CEP164: variants seen among roughly 807,000 people sequenced by gnomAD.
The protein encoded by CEP164 is centrosomal protein 164.
Under a neutral mutation model 182.7 loss-of-function variants are expected in CEP164, and 162 were observed. The observed-to-expected ratio is 0.89, with a 90% CI of 0.78 to 1.01. CEP164 has a LOEUF of 1.01. Ranked by LOEUF, CEP164 falls within the 50% of genes least tolerant of loss-of-function variation. The pLI is 0.00. For synonymous variants in CEP164, 661 were observed against 690.0 expected (o/e 0.96, Z 0.66); for missense variants, 1,735 against 1,790.4 (o/e 0.97, Z 0.56).
intron 2 of CEP164, chr11:117,336,586 G>A: frequency 6.7e-7 from 1 of 1,489,488 alleles, no homozygotes. Context: ...CCCAGTGTTG[G>A]GGGATATGGA....
chr11:117,329,945 T>C (rs1043169132), intron 1 of CEP164, among the ~76,000 whole-genome samples: 2 of 150,936 alleles, frequency 1.3e-5, no homozygotes, highest in Admixed American at 6.6e-5. Context: ...ATGATGTATA[T>C]AGAGCACTCA....
At chr11:117,361,397 C>T (rs967919183) in intron 5 of CEP164, among the ~76,000 whole-genome samples, 1 of 151,256 alleles carries the variant, frequency 6.6e-6, no homozygotes, top group Non-Finnish European at 1.5e-5. Flanking sequence ...CCCGCCACCA[C>T]GCCCGGCTAA....
intron 28 of CEP164, 152 bp from the exon 29 acceptor site, chr11:117,408,738 C>T: frequency 1.1e-6 from 1 of 921,392 alleles, no homozygotes; most frequent in Non-Finnish European, 1.6e-6. Context: ...TGGAGATGGC[C>T]ATATTTCATG....
At chr11:117,338,174 G>A (rs1306028532) in intron 2 of CEP164, among the ~76,000 whole-genome samples, 2 of 152,158 alleles carry the variant, frequency 1.3e-5, no homozygotes, top group African/African-American at 4.8e-5. Flanking sequence ...GTTGAGATGG[G>A]GGTGTGCCAC....
intron 20 of CEP164, 148 bp downstream of exon 20, chr11:117,393,274 A>T: frequency 7.3e-7 from 1 of 1,370,900 alleles, no homozygotes; most frequent in Non-Finnish European, 9.6e-7. Context: ...GGAAGGGGAT[A>T]AACTGTGGTC....
chr11:117,383,642 T>TA (rs1348903961), intron 14 of CEP164, among the ~76,000 whole-genome samples: 5 of 152,356 alleles, frequency 3.3e-5, no homozygotes, highest in African/African-American at 1.2e-4. Flanking sequence ...CTTCCATTCT[T>TA]ACCCTTCCCC....
At chr11:117,349,762 G>C (rs1288490050) in intron 4 of CEP164, among the ~76,000 whole-genome samples, 1 of 152,094 alleles carries the variant, frequency 6.6e-6, no homozygotes, top group Admixed American at 6.5e-5. Context: ...ATTTACCAAA[G>C]TGGCAGCACC....
At chr11:117,379,684 T>C (rs1440700228) in intron 11 of CEP164, among the ~76,000 whole-genome samples, 1 of 151,992 alleles carries the variant, frequency 6.6e-6, no homozygotes, top group African/African-American at 2.4e-5. Flanking sequence ...TCCCATTTTA[T>C]ACAGTGGAGG....
At chr11:117,338,793 G>C in intron 3 of CEP164, 125 bp downstream of exon 3, 1 of 752,088 alleles carries the variant, frequency 1.3e-6, no homozygotes. Context: ...TAGTATATTC[G>C]GGTTAGATCA....
chr11:117,400,304 G>A (rs553231158), intron 27 of CEP164, among the ~76,000 whole-genome samples: 152 of 152,234 alleles, frequency 1.0e-3, no homozygotes, highest in African/African-American at 3.4e-3. Flanking sequence ...GTAGATGTGT[G>A]GCGCTATTTC....
At position 117,394,972 on chromosome 11, in the gene CEP164, T is replaced by C. The variant is rs374045323; in HGVS notation, c.2813T>C (p.Val938Ala). ...GACCTTGAAACCAGAGCTAAAGATG[T>C]CAAGGCCAGATTGGCTCTGCTGGAG... ...ELDLETRAKD[V>A]KARLALLEVQ... Residue 938 changes from valine (V) to alanine (A), a missense_variant, in exon 22 of 33, where the codon GTC becomes GCC. By Grantham distance (64) the Val-to-Ala change is moderately conservative. Coordinates refer to ENST00000278935, the MANE Select transcript of CEP164 (RefSeq NM_014956.5). This position sits in a 1 kb window ranked among gnomAD's most constrained non-coding sequence, Gnocchi z 4.0. 1 of 1,614,154 alleles carries C rather than the reference T, an allele frequency of 6.2e-7. No homozygotes were observed. The highest frequency in any genetic ancestry group is 2.2e-5 in the East Asian group (1 of 44,872).
At chr11:117,396,002 C>A in intron 24 of CEP164, 52 bp from the exon 25 acceptor site, 1 of 1,605,678 alleles carries the variant, frequency 6.2e-7, no homozygotes. Flanking sequence ...CTTCACCCCT[C>A]CCCCCCATCG....
rs764258217 is a variant in CEP164 at position 117,390,875 on chromosome 11, A to G, written c.2033A>G (p.Gln678Arg). 1.9e-6 allele frequency: 3 copies of G among 1,613,910 alleles called. No homozygotes were observed. Among genetic ancestry groups the G allele is most frequent in the Non-Finnish European group, 2.5e-6 (3 of 1,180,018 alleles). Residue 678 changes from glutamine to arginine, a missense_variant, in exon 16 of 33, where the codon CAG (glutamine) becomes CGG (arginine). By Grantham distance (43) the Gln-to-Arg change is conservative. Transcript: ENST00000278935. ...QRLSWLRAQV[Q>R]SSTQADEDQI... The stretch of plus-strand genomic sequence containing the variant: ...CTATCCTGGCTCCGAGCTCAGGTCC[A>G]GTCCAGCACACAAGCAGATGAGGAC...
chr11:117,396,921 C>T (rs1179466170), intron 26 of CEP164, among the ~76,000 whole-genome samples, 170 bp from the exon 27 acceptor site: 1 of 152,264 alleles, frequency 6.6e-6, no homozygotes, highest in Admixed American at 6.5e-5. Flanking sequence ...GTCCCAGGCA[C>T]TGCGCACTGT....
intron 15 of CEP164, among the ~76,000 whole-genome samples, chr11:117,389,831 T>A (rs1372453503): frequency 6.6e-6 from 1 of 151,642 alleles, no homozygotes; most frequent in African/African-American, 2.4e-5. Flanking sequence ...TCTGGTTGGG[T>A]GGCTATAGCT....
At chr11:117,383,366 T>G (rs961588818) in intron 14 of CEP164, among the ~76,000 whole-genome samples, 1 of 152,166 alleles carries the variant, frequency 6.6e-6, no homozygotes, top group Non-Finnish European at 1.5e-5. Flanking sequence ...TAATGGCCAC[T>G]CAAACAGGGA....
At chr11:117,346,873 A>G (rs1419110575) in intron 4 of CEP164, among the ~76,000 whole-genome samples, 1 of 152,022 alleles carries the variant, frequency 6.6e-6, no homozygotes, top group Non-Finnish European at 1.5e-5. Context: ...AAAACAAATA[A>G]AATGAGTCAT....
At chr11:117,336,414 G>T in intron 2 of CEP164, 2 of 1,393,828 alleles carry the variant, frequency 1.4e-6, no homozygotes, top group Non-Finnish European at 2.0e-6. Flanking sequence ...GGGGACCCGA[G>T]GATTGGCATC....
chr11:117,388,534 G>A (rs997280492), intron 15 of CEP164, among the ~76,000 whole-genome samples: 1 of 152,164 alleles, frequency 6.6e-6, no homozygotes. Flanking sequence ...CTTCCATGTG[G>A]TAGAAATTTC....
Sources: gnomAD v4.1 joint callset for allele counts (sites outside exome capture counted in the v4.1 genomes callset) on GRCh38, gnomAD v4.1.1 for gene constraint, Gnocchi (gnomAD v3.1) non-coding constraint, MANE v1.5 for transcripts, NCBI Gene and HGNC (gene_info 2026-07-23, HGNC 2026-07-21) for gene names.